GALNT7: variants seen among roughly 807,000 people sequenced by gnomAD.
GALNT7 encodes N-acetylgalactosaminyltransferase 7.
Under a neutral mutation model 82.1 loss-of-function variants are expected in GALNT7, and 60 were observed. The ratio of observed to expected loss-of-function variants is 0.73; its 90% CI spans 0.59 to 0.91. The LOEUF is 0.91. Ranked by LOEUF, GALNT7 falls within the 40% of genes least tolerant of loss-of-function variation. The probability of loss-of-function intolerance (pLI) is 0.00; values close to 1 mark genes in which losing one functional copy is unlikely to be tolerated. For missense variants in GALNT7, 660 were observed against 804.2 expected (o/e 0.82, Z 2.17); for synonymous variants, 243 against 275.1 (o/e 0.88, Z 1.15).
At chr4:173,223,696 C>T (rs1320120022) in intron 1 of GALNT7, among the ~76,000 whole-genome samples, 1 of 151,710 alleles carries the variant, frequency 6.6e-6, no homozygotes, top group Non-Finnish European at 1.5e-5. Context: ...AATTTTCTTC[C>T]CATATACAAA....
At chr4:173,222,596 C>T (rs370232137) in intron 1 of GALNT7, among the ~76,000 whole-genome samples, 2 of 152,046 alleles carry the variant, frequency 1.3e-5, no homozygotes, top group Admixed American at 6.5e-5. Context: ...CTTCCTTAAT[C>T]GATTACATTT....
At position 173,200,479 on chromosome 4, in the gene GALNT7, A is replaced by G. The variant is rs568021434; in HGVS notation, c.126+31518A>G. 5.9e-5 allele frequency among the ~76,000 whole-genome samples: 9 copies of G among 152,206 alleles called. No homozygotes were observed. In the South Asian group the frequency reaches 6.2e-4, roughly 11 times the overall value. ...AAAAAAAAAGAATATCTCGCTTTAC[A>G]TATCATTTTATTCTGGGGAAGCCTA... On this transcript the variant is annotated intron_variant, in intron 1 of 11. Transcript: ENST00000265000.
chr4:173,172,410 G>A (rs1731906311), intron 1 of GALNT7, among the ~76,000 whole-genome samples: 1 of 152,204 alleles, frequency 6.6e-6, no homozygotes, highest in South Asian at 2.1e-4. Context: ...TTGCCTATTA[G>A]TGCACATGCT....
At chr4:173,227,097 T>C (rs750485847) in intron 1 of GALNT7, among the ~76,000 whole-genome samples, 1 of 152,184 alleles carries the variant, frequency 6.6e-6, no homozygotes, top group South Asian at 2.1e-4. Flanking sequence ...ACCTAAAAAT[T>C]AGTCCAACCA....
At chr4:173,234,099 C>T (rs1334598204) in intron 1 of GALNT7, among the ~76,000 whole-genome samples, 4 of 152,108 alleles carry the variant, frequency 2.6e-5, no homozygotes, top group Admixed American at 6.5e-5. Flanking sequence ...CTTGGCTTCT[C>T]GACATAGTTC....
intron 3 of GALNT7, among the ~76,000 whole-genome samples, chr4:173,293,178 G>T: frequency 6.6e-6 from 1 of 152,048 alleles, no homozygotes; most frequent in Non-Finnish European, 1.5e-5. Context: ...CCTAAAAAAA[G>T]TGAAGATACA....
At chr4:173,265,587 ATCTCTC>A (rs59676800) in intron 2 of GALNT7, among the ~76,000 whole-genome samples, 1,303 of 117,948 alleles carry the variant, frequency 0.011, 4 homozygotes, top group African/African-American at 0.016. Flanking sequence ...TGGCGTAAGC[ATCTCTC>A]TCTCTCTCTC....
chr4:173,189,798 CTT>C (rs2126639399), intron 1 of GALNT7, among the ~76,000 whole-genome samples: 1 of 152,278 alleles, frequency 6.6e-6, no homozygotes, highest in South Asian at 2.1e-4. Context: ...CTCTGGAAGT[CTT>C]TGAATGGTAC....
intron 2 of GALNT7, among the ~76,000 whole-genome samples, chr4:173,260,901 A>G (rs1735233098): frequency 6.6e-6 from 1 of 152,210 alleles, no homozygotes; most frequent in Non-Finnish European, 1.5e-5. Flanking sequence ...CCCATGAGTG[A>G]TGGTACTCAT....
At chr4:173,213,143 T>C (rs1319908840) in intron 1 of GALNT7, among the ~76,000 whole-genome samples, 1 of 152,182 alleles carries the variant, frequency 6.6e-6, no homozygotes, top group South Asian at 2.1e-4. Context: ...AACCCCTTAT[T>C]TGGAGTTCCC....
intron 1 of GALNT7, among the ~76,000 whole-genome samples, chr4:173,194,116 T>G (rs374948353): frequency 2.0e-5 from 3 of 152,346 alleles, no homozygotes; most frequent in South Asian, 4.1e-4. Flanking sequence ...ACTAATTGCT[T>G]TATAACTATT....
At chr4:173,201,684 C>T (rs1732949150) in intron 1 of GALNT7, among the ~76,000 whole-genome samples, 1 of 152,204 alleles carries the variant, frequency 6.6e-6, no homozygotes, top group Admixed American at 6.5e-5. Flanking sequence ...CAGAGAGGAC[C>T]TCTTAGAAAA....
At chr4:173,180,825 A>G (rs1019253909) in intron 1 of GALNT7, among the ~76,000 whole-genome samples, 15 of 152,166 alleles carry the variant, frequency 9.9e-5, no homozygotes, top group Non-Finnish European at 2.1e-4. Context: ...TTGCCATGCA[A>G]TTTTTATTAG....
At chr4:173,253,837 T>C (rs17059262) in intron 2 of GALNT7, among the ~76,000 whole-genome samples, 1 of 152,144 alleles carries the variant, frequency 6.6e-6, no homozygotes, top group Non-Finnish European at 1.5e-5. Flanking sequence ...TGGGAAGAAG[T>C]AGAAAATTCT....
chr4:173,219,176 T>G lies in GALNT7; in HGVS notation c.127-28804T>G, dbSNP rs6858043. On this transcript the variant is annotated intron_variant, in intron 1 of 11. Coordinates refer to ENST00000265000, the MANE Select transcript of GALNT7 (RefSeq NM_017423.3). ...AAAGTCCATTATATCATTCTTATGC[T>G]TTTGTGTCCTCTTAGCTTAGCTCTC... Among the ~76,000 whole-genome samples, 49 of 151,952 alleles carry G rather than the reference T, an allele frequency of 3.2e-4. No individual in the cohort carries two copies. In the South Asian group the frequency reaches 9.3e-3, roughly 29 times the overall value.
At chr4:173,286,869 C>A (rs1277583341) in intron 2 of GALNT7, among the ~76,000 whole-genome samples, 1 of 152,206 alleles carries the variant, frequency 6.6e-6, no homozygotes, top group Non-Finnish European at 1.5e-5. Flanking sequence ...TCTGATAAGA[C>A]TAGACCTAGG....
intron 1 of GALNT7, among the ~76,000 whole-genome samples, chr4:173,197,063 C>CTTT (rs5864189): frequency 0.16 from 18,661 of 117,812 alleles, 1,884 homozygotes; most frequent in Non-Finnish European, 0.17. Flanking sequence ...CTCTCTCTCC[C>CTTT]TTTTTTTTTT....
At chr4:173,246,644 C>T (rs923435907) in intron 1 of GALNT7, among the ~76,000 whole-genome samples, 4 of 152,150 alleles carry the variant, frequency 2.6e-5, no homozygotes, top group African/African-American at 7.2e-5. Flanking sequence ...ACTAATTTCA[C>T]GTCTGAAATA....
intron 1 of GALNT7, among the ~76,000 whole-genome samples, chr4:173,178,046 TGTGTGTGCGCGCACGCGC>T (rs1378883355): frequency 9.5e-6 from 1 of 105,386 alleles, no homozygotes; most frequent in East Asian, 3.0e-4. Context: ...TGTGTGTGTG[TGTGTGTGCGCGCACGCGC>T]GTGCGCACAG....
Sources: allele counts gnomAD v4.1 joint callset (sites outside exome capture counted in the v4.1 genomes callset), GRCh38; gene constraint gnomAD v4.1.1; transcripts MANE v1.5; gene names NCBI Gene and HGNC (gene_info 2026-07-23, HGNC 2026-07-21).